The following XRCC4 variants were observed in gnomAD, a reference collection of about 807,000 sequenced individuals.
XRCC4 encodes the protein DNA repair protein XRCC4.
In XRCC4, 28 loss-of-function variants were observed where a neutral mutation model predicts 39.1. That is an observed-to-expected ratio of 0.72 (90% confidence interval 0.53 to 0.98). The LOEUF is 0.98. Among genes scored for constraint, XRCC4 ranks in the 50% least tolerant of loss-of-function variants. XRCC4 has a pLI of 0.00. For synonymous variants in XRCC4, 123 were observed against 126.4 expected (o/e 0.97, Z 0.18); for missense variants, 350 against 376.4 (o/e 0.93, Z 0.58).
At chr5:83,149,762 A>G (rs572197898) in intron 3 of XRCC4, among the ~76,000 whole-genome samples, 1 of 152,270 alleles carries the variant, frequency 6.6e-6, no homozygotes, top group East Asian at 1.9e-4. Context: ...GGGTAGTGAT[A>G]GCAGAACATG....
At chr5:83,226,130 A>G (rs1220009397) in intron 6 of XRCC4, among the ~76,000 whole-genome samples, 2 of 151,880 alleles carry the variant, frequency 1.3e-5, no homozygotes, top group Admixed American at 6.6e-5. Context: ...TCTTTTTACT[A>G]TGGTCTAGAG....
At chr5:83,121,592 T>C (rs914525867) in intron 3 of XRCC4, among the ~76,000 whole-genome samples, 8 of 152,324 alleles carry the variant, frequency 5.3e-5, no homozygotes, top group Admixed American at 1.3e-4. Context: ...ACATTTGTTT[T>C]ATTTGGGTTG....
intron 6 of XRCC4, among the ~76,000 whole-genome samples, chr5:83,241,553 G>A (rs1752910883): frequency 6.6e-6 from 1 of 151,914 alleles, no homozygotes; most frequent in East Asian, 1.9e-4. Flanking sequence ...AGATAAGAAG[G>A]TTCAAAACTT....
chr5:83,190,729 A>G (rs1191554133), intron 3 of XRCC4, among the ~76,000 whole-genome samples: 2 of 152,208 alleles, frequency 1.3e-5, no homozygotes, highest in African/African-American at 4.8e-5. Context: ...TTTATTTTGT[A>G]TGCTTTACTG....
chr5:83,315,325 C>G (rs76688802), intron 7 of XRCC4, among the ~76,000 whole-genome samples: 2,681 of 152,182 alleles, frequency 0.018, 62 homozygotes, highest in African/African-American at 0.06. Flanking sequence ...GGAAAGAAGC[C>G]ATTTATAACA....
At chr5:83,364,718 T>A in the XRCC4 span, among the ~76,000 whole-genome samples, 1 of 152,198 alleles carries the variant, frequency 6.6e-6, no homozygotes, top group Non-Finnish European at 1.5e-5. Flanking sequence ...AAAAACACGG[T>A]TGAGTCTTCA....
intron 7 of XRCC4, among the ~76,000 whole-genome samples, chr5:83,262,858 T>A (rs531482661): frequency 1.3e-3 from 192 of 146,704 alleles, no homozygotes; most frequent in African/African-American, 4.8e-3. Flanking sequence ...TTTTTTTTTT[T>A]ATACTTTAAG....
At chr5:83,326,865 AG>A (rs1243875441) in intron 7 of XRCC4, among the ~76,000 whole-genome samples, 2 of 152,052 alleles carry the variant, frequency 1.3e-5, no homozygotes, top group Admixed American at 6.6e-5. Flanking sequence ...AGGATTGCTA[AG>A]GAATTCTTAT....
At chr5:83,348,518 G>A (rs1290690091) in intron 7 of XRCC4, among the ~76,000 whole-genome samples, 2 of 152,228 alleles carry the variant, frequency 1.3e-5, no homozygotes, top group Non-Finnish European at 2.9e-5. Flanking sequence ...AGCGGGAGCA[G>A]CCACAATGCA....
At chr5:83,361,508 C>A in the XRCC4 span, among the ~76,000 whole-genome samples, 1 of 152,158 alleles carries the variant, frequency 6.6e-6, no homozygotes, top group African/African-American at 2.4e-5. Flanking sequence ...TCCATGACAA[C>A]TTTCTGTGTG....
chr5:83,143,305 A>T (rs906135070), intron 3 of XRCC4, among the ~76,000 whole-genome samples: 2 of 152,144 alleles, frequency 1.3e-5, no homozygotes, highest in Admixed American at 6.5e-5. Flanking sequence ...GAAAATACCA[A>T]AATGTGTAGT....
intron 6 of XRCC4, among the ~76,000 whole-genome samples, chr5:83,217,368 A>AG: frequency 6.6e-6 from 1 of 151,520 alleles, no homozygotes; most frequent in East Asian, 1.9e-4. Context: ...CAAAAAAAAA[A>AG]AAAAAAAAAC....
chr5:83,088,481 C>T (rs892165866), intron 1 of XRCC4, among the ~76,000 whole-genome samples: 23 of 151,954 alleles, frequency 1.5e-4, no homozygotes, highest in Non-Finnish European at 2.8e-4. Context: ...GATTTCAGTT[C>T]GTTATTTCAA....
At chr5:83,331,342 T>C (rs1465338515) in intron 7 of XRCC4, among the ~76,000 whole-genome samples, 2 of 152,212 alleles carry the variant, frequency 1.3e-5, no homozygotes, top group Admixed American at 6.6e-5. Flanking sequence ...TTATAAAACA[T>C]AGATGCTTCC....
intron 7 of XRCC4, among the ~76,000 whole-genome samples, chr5:83,270,925 A>T (rs1446675850): frequency 6.6e-6 from 1 of 151,966 alleles, no homozygotes; most frequent in African/African-American, 2.4e-5. Context: ...AGCTAGGATC[A>T]TAGGCGCCCG....
chr5:83,253,675 C>G (rs1310632453), intron 6 of XRCC4, among the ~76,000 whole-genome samples: 1 of 151,808 alleles, frequency 6.6e-6, no homozygotes, highest in Non-Finnish European at 1.5e-5. Flanking sequence ...ATAATGAAGG[C>G]CTTATAAAAA....
intron 3 of XRCC4, among the ~76,000 whole-genome samples, chr5:83,181,005 G>A (rs913241681): frequency 6.7e-6 from 1 of 149,046 alleles, no homozygotes; most frequent in African/African-American, 2.5e-5. Context: ...TGAAAAATTG[G>A]CAGTCCTGTA....
chr5:83,335,334 ATTAC>A (rs1470519238), intron 7 of XRCC4, among the ~76,000 whole-genome samples: 3 of 151,848 alleles, frequency 2.0e-5, no homozygotes, highest in Non-Finnish European at 4.4e-5. Flanking sequence ...TAGAATAATA[ATTAC>A]TTATAATTAT....
intron 3 of XRCC4, among the ~76,000 whole-genome samples, chr5:83,136,758 T>A (rs905847865): frequency 6.6e-6 from 1 of 152,208 alleles, no homozygotes; most frequent in African/African-American, 2.4e-5. Flanking sequence ...CTTCATTGAT[T>A]TAATTGAATT....
Sources: gnomAD v4.1 joint callset for allele counts (sites outside exome capture counted in the v4.1 genomes callset) on GRCh38, gnomAD v4.1.1 for gene constraint, MANE v1.5 for transcripts, NCBI Gene and HGNC (gene_info 2026-07-23, HGNC 2026-07-21) for gene names.